IL1RAPL1: variants seen among roughly 807,000 people sequenced by gnomAD.
The protein encoded by IL1RAPL1 is interleukin 1 receptor accessory protein like 1, also known as interleukin-1 receptor accessory protein-like 1.
IL1RAPL1 carries 3 observed loss-of-function variants against 48.4 expected under a neutral mutation model. That is an observed-to-expected ratio of 0.06 (90% CI 0.03 to 0.16). The LOEUF (loss-of-function observed/expected upper bound fraction) is 0.16. IL1RAPL1 is among the 10% of genes least tolerant of loss of function. IL1RAPL1 has a pLI of 1.00. For missense variants in IL1RAPL1, 349 were observed against 530.6 expected (o/e 0.66, Z 3.36); for synonymous variants, 185 against 187.7 (o/e 0.99, Z 0.12).
intron 5 of IL1RAPL1, among the ~76,000 whole-genome samples, chrX:29,516,549 A>G (rs1294467260): frequency 2.2e-5 from 2 of 88,935 alleles, no homozygotes; most frequent in Non-Finnish European, 4.7e-5. Flanking sequence ...TCACTGTTCT[A>G]TGACTTATTT....
intron 6 of IL1RAPL1, among the ~76,000 whole-genome samples, chrX:29,751,597 A>G: frequency 9.0e-6 from 1 of 111,330 alleles, no homozygotes; most frequent in Non-Finnish European, 1.9e-5. Flanking sequence ...TAAGCCTTCT[A>G]ACAAGTGATT....
At chrX:28,687,632 A>T (rs1024438190) in intron 1 of IL1RAPL1, among the ~76,000 whole-genome samples, 1 of 109,622 alleles carries the variant, frequency 9.1e-6, no homozygotes, top group Non-Finnish European at 1.9e-5. Context: ...AATACAAAAA[A>T]TTAGCTGGGC....
chrX:29,346,414 A>G (rs1237925565), intron 3 of IL1RAPL1, among the ~76,000 whole-genome samples: 1 of 111,897 alleles, frequency 8.9e-6, no homozygotes, highest in Non-Finnish European at 1.9e-5. Context: ...AGTTGGGAGG[A>G]TTCTTGATTG....
Position 28,780,857 on chromosome X carries a change from A to G in IL1RAPL1, c.-24-8463A>G, listed in dbSNP as rs746633498. ...TGGATAATTTTCTCTATACAGCATT[A>G]TATTATGCTTTCATCTCCTTTCCAT... is the stretch of plus-strand genomic sequence containing the variant. On this transcript the variant is annotated intron_variant, in intron 1 of 10. Coordinates refer to ENST00000378993, the MANE Select transcript of IL1RAPL1 (RefSeq NM_014271.4). Among the ~76,000 whole-genome samples the G allele has an allele frequency of 1.1e-4, 12 of 110,231 alleles. No homozygotes were observed. In the South Asian group the frequency reaches 3.8e-3, roughly 35 times the overall value.
intron 3 of IL1RAPL1, among the ~76,000 whole-genome samples, chrX:29,346,626 C>T (rs1933153203): frequency 1.8e-5 from 2 of 112,509 alleles, no homozygotes; most frequent in Admixed American, 9.4e-5. Flanking sequence ...GCATCATATA[C>T]GTATTTGTGC....
intron 2 of IL1RAPL1, among the ~76,000 whole-genome samples, chrX:29,107,034 T>G (rs1928462543): frequency 8.9e-6 from 1 of 112,003 alleles, no homozygotes; most frequent in African/African-American, 3.2e-5. Flanking sequence ...GAGCAAAAAC[T>G]AAATGCTCAT....
At chrX:28,636,428 T>C (rs1406959588) in intron 1 of IL1RAPL1, among the ~76,000 whole-genome samples, 1 of 112,021 alleles carries the variant, frequency 8.9e-6, no homozygotes, top group Non-Finnish European at 1.9e-5. Context: ...TTTTTATTTT[T>C]CATGTTGCCT....
At position 29,956,572 on chromosome X, in the gene IL1RAPL1, C is replaced by T. The variant is rs1933426878; in HGVS notation, c.*752C>T. 1 of 106,276 alleles carries T rather than the reference C, an allele frequency of 9.4e-6. No individual in the cohort carries two copies. Among genetic ancestry groups the T allele is most frequent in the Non-Finnish European group, 1.9e-5 (1 of 51,995 alleles). 8.8% of individuals were successfully genotyped at this position (106,276 alleles called of 1,213,427 possible). ...GCTAATCACTTCACAGTGACCACTA[C>T]AGAGTACTAAGAAGAGAAGATCAAG... is the stretch of plus-strand genomic sequence containing the variant. On this transcript the variant is annotated 3_prime_UTR_variant, in exon 11 of 11. Transcript: ENST00000378993.
At chrX:29,748,110 A>T (rs1928376290) in intron 6 of IL1RAPL1, among the ~76,000 whole-genome samples, 1 of 112,153 alleles carries the variant, frequency 8.9e-6, no homozygotes, top group African/African-American at 3.2e-5. Flanking sequence ...TGTAGATTAC[A>T]TGCCATTAGT....
intron 6 of IL1RAPL1, among the ~76,000 whole-genome samples, chrX:29,794,052 A>G (rs1227050848): frequency 1.8e-5 from 2 of 112,003 alleles, no homozygotes; most frequent in Admixed American, 1.9e-4. Context: ...TTTTACAAGT[A>G]TAATTGTAAG....
intron 6 of IL1RAPL1, among the ~76,000 whole-genome samples, chrX:29,693,672 A>G (rs1212448834): frequency 8.9e-6 from 1 of 112,338 alleles, no homozygotes; most frequent in African/African-American, 3.2e-5. Flanking sequence ...GAGCAGTGTC[A>G]TGTTTGCTAT....
intron 2 of IL1RAPL1, among the ~76,000 whole-genome samples, chrX:29,216,914 A>G (rs1200196262): frequency 8.9e-6 from 1 of 112,053 alleles, no homozygotes; most frequent in African/African-American, 3.2e-5. Context: ...GACTATGCAC[A>G]CAGTGGGTTG....
chrX:29,246,415 A>G (rs1931515072), intron 2 of IL1RAPL1, among the ~76,000 whole-genome samples: 1 of 109,888 alleles, frequency 9.1e-6, no homozygotes, highest in African/African-American at 3.3e-5. Flanking sequence ...ACCTCTCATC[A>G]TCCTTCTAGT....
rs750445400 is a variant in IL1RAPL1 at position 28,894,112 on chromosome X, T to C, written c.82+104687T>C. 3.6e-5 allele frequency among the ~76,000 whole-genome samples: 4 copies of C among 112,350 alleles called. No homozygotes were observed. In the South Asian group the frequency reaches 1.5e-3, roughly 41 times the overall value. On this transcript the variant is annotated intron_variant, in intron 2 of 10. Transcript: ENST00000378993. ...CGTTTTTTTATTAAAGAGGTATTAA[T>C]GATAGAGGACCCTTGTGTAGTGAGG...
At chrX:29,533,137 C>G (rs1921101302) in intron 5 of IL1RAPL1, among the ~76,000 whole-genome samples, 1 of 112,164 alleles carries the variant, frequency 8.9e-6, no homozygotes, top group African/African-American at 3.2e-5. Context: ...CACCACTCAC[C>G]CATTTAAAGT....
chrX:29,259,861 G>T (rs899559805), intron 2 of IL1RAPL1, among the ~76,000 whole-genome samples: 3 of 111,123 alleles, frequency 2.7e-5, no homozygotes, highest in African/African-American at 9.8e-5. Context: ...ATTAATAAGT[G>T]TTGATGTGAA....
chrX:29,127,137 G>C (rs1928914995), intron 2 of IL1RAPL1, among the ~76,000 whole-genome samples: 1 of 110,644 alleles, frequency 9.0e-6, no homozygotes, highest in Non-Finnish European at 1.9e-5. Context: ...TGGTGGTGGT[G>C]GTGGTTTTGT....
intron 5 of IL1RAPL1, among the ~76,000 whole-genome samples, chrX:29,534,693 G>A (rs1921154970): frequency 9.0e-6 from 1 of 110,782 alleles, no homozygotes; most frequent in South Asian, 3.9e-4. Flanking sequence ...ATTAGGCCGG[G>A]CGCGGTGGCT....
At chrX:29,528,840 G>A (rs1056697604) in intron 5 of IL1RAPL1, among the ~76,000 whole-genome samples, 1 of 111,616 alleles carries the variant, frequency 9.0e-6, no homozygotes, top group African/African-American at 3.3e-5. Context: ...CCTAGAGTAG[G>A]GATTTTACAG....
Sources: gnomAD v4.1 joint callset for allele counts (sites outside exome capture counted in the v4.1 genomes callset) on GRCh38, gnomAD v4.1.1 for gene constraint, MANE v1.5 for transcripts, NCBI Gene and HGNC (gene_info 2026-07-23, HGNC 2026-07-21) for gene names.